Variants in THSD4 observed in about 807,000 individuals in gnomAD.
THSD4 encodes the protein thrombospondin type 1 domain containing 4, also known as thrombospondin type-1 domain-containing protein 4.
THSD4 carries 69 observed loss-of-function variants against 119.0 expected under a neutral mutation model. The ratio of observed to expected loss-of-function variants is 0.58; its 90% CI spans 0.48 to 0.71. The LOEUF (loss-of-function observed/expected upper bound fraction) is 0.71, where lower values mean the gene tolerates loss of function less well. Among genes scored for constraint, THSD4 ranks in the 30% least tolerant of loss-of-function variants. The pLI, the probability that THSD4 is intolerant of heterozygous loss-of-function variation, is 0.00. For missense variants in THSD4, 1,393 were observed against 1,391.1 expected (o/e 1.00, Z -0.02); for synonymous variants, 524 against 540.4 (o/e 0.97, Z 0.42).
intron 7 of THSD4, among the ~76,000 whole-genome samples, chr15:71,597,645 C>T (rs1472661092): frequency 6.6e-6 from 1 of 152,176 alleles, no homozygotes; most frequent in East Asian, 1.9e-4. Flanking sequence ...CTGGTCAAAC[C>T]ACCTAGTTCT....
At chr15:71,246,139 A>C (rs2044198245) in intron 5 of THSD4, among the ~76,000 whole-genome samples, 1 of 152,214 alleles carries the variant, frequency 6.6e-6, no homozygotes, top group African/African-American at 2.4e-5. Flanking sequence ...TAACACCCTG[A>C]GGACCATCTG....
At chr15:71,356,705 C>T (rs552246309) in intron 6 of THSD4, among the ~76,000 whole-genome samples, 1 of 152,204 alleles carries the variant, frequency 6.6e-6, no homozygotes, top group East Asian at 1.9e-4. Flanking sequence ...CCTCAGGGCT[C>T]ATGCAGGGTG....
Position 71,623,034 on chromosome 15 carries a change from A to T in THSD4, c.1153-37496A>T, listed in dbSNP as rs77514316. Among the ~76,000 whole-genome samples the T allele has an allele frequency of 2.8e-3, 432 of 152,226 alleles. 2 individuals carry two copies. Among genetic ancestry groups the T allele is most frequent in the Non-Finnish European group, 4.5e-3 (308 of 67,998 alleles). ...TGGATGGCTCCAGCAGTGCCAGTTG[A>T]TGGAGGTCTCGGTAATCAGGAGTCC... On this transcript the variant is annotated intron_variant, in intron 7 of 17. Coordinates refer to ENST00000261862, the MANE Select transcript of THSD4 (RefSeq NM_024817.3).
chr15:71,316,194 C>T (rs2045184493), intron 6 of THSD4, among the ~76,000 whole-genome samples: 2 of 152,244 alleles, frequency 1.3e-5, no homozygotes, highest in South Asian at 4.2e-4. Context: ...TGTCTGTTGC[C>T]ATTCCTGTCC....
At chr15:71,320,532 G>A (rs1175028288) in intron 6 of THSD4, among the ~76,000 whole-genome samples, 4 of 152,024 alleles carry the variant, frequency 2.6e-5, no homozygotes, top group Admixed American at 2.0e-4. Flanking sequence ...TCACATTTTT[G>A]GCCTTTTCAT....
At chr15:71,441,652 C>G (rs952239439) in intron 7 of THSD4, among the ~76,000 whole-genome samples, 2 of 151,988 alleles carry the variant, frequency 1.3e-5, no homozygotes, top group South Asian at 4.2e-4. Context: ...CTTGGCCTCA[C>G]AAAGTGCTGG....
At position 71,767,032 on chromosome 15, in the gene THSD4, A is replaced by C. The variant is rs2053727550; in HGVS notation, c.2769+1833A>C. 3 of 152,202 alleles carry C rather than the reference A, an allele frequency of 2.0e-5. No individual in the cohort carries two copies. The East Asian group carries it at 5.8e-4, about 29-fold the overall frequency. 9.4% of individuals were successfully genotyped at this position (152,202 alleles called of 1,614,324 possible). On this transcript the variant is annotated intron_variant, in intron 16 of 17. Transcript: ENST00000261862. The stretch of plus-strand genomic sequence containing the variant: ...GGCAGCATGGGAATTTTTTGTCTGC[A>C]ATGAAAATATTTCGTGTCTTGTTTG...
At chr15:71,469,261 C>G (rs986252568) in intron 7 of THSD4, among the ~76,000 whole-genome samples, 1 of 152,244 alleles carries the variant, frequency 6.6e-6, no homozygotes, top group East Asian at 1.9e-4. Context: ...GTTGCACTGC[C>G]CAGGCCCTAT....
chr15:71,144,504 G>A (rs895828091), intron 2 of THSD4, among the ~76,000 whole-genome samples: 1 of 152,130 alleles, frequency 6.6e-6, no homozygotes, highest in Non-Finnish European at 1.5e-5. Context: ...AGAAGCTGGA[G>A]AATTTCTCTA....
In THSD4 at chr15:71,719,225, C is replaced by T. The variant is rs984774059; in HGVS notation, c.1358-9324C>T. On this transcript the variant is annotated intron_variant, in intron 8 of 17. Transcript: ENST00000261862. ...TTCCCTTCGTTCAAACCCCTTACAA[C>T]CTGTGATTAGAGTGCCAAAGAGAAA... Among the ~76,000 whole-genome samples the T allele has an allele frequency of 9.2e-5, 14 of 152,170 alleles. 1 individual carries two copies. The highest frequency in any genetic ancestry group is 7.2e-4 in the Admixed American group (11 of 15,284).
chr15:71,284,568 A>C (rs2044694046), intron 6 of THSD4, among the ~76,000 whole-genome samples: 1 of 152,220 alleles, frequency 6.6e-6, no homozygotes, highest in Non-Finnish European at 1.5e-5. Flanking sequence ...AGTAACGACA[A>C]CTGTTGCTCT....
intron 6 of THSD4, among the ~76,000 whole-genome samples, chr15:71,274,327 G>A (rs1181056904): frequency 3.3e-5 from 5 of 152,154 alleles, no homozygotes; most frequent in Admixed American, 6.5e-5. Context: ...AATGTAACAC[G>A]CAAGTATCAT....
At chr15:71,545,909 G>A (rs897878048) in intron 7 of THSD4, among the ~76,000 whole-genome samples, 1 of 152,114 alleles carries the variant, frequency 6.6e-6, no homozygotes, top group Admixed American at 6.6e-5. Flanking sequence ...ACTGCAGTTA[G>A]GTTTAAAGTT....
chr15:71,207,500 C>G (rs2043854003), intron 3 of THSD4, among the ~76,000 whole-genome samples: 1 of 152,194 alleles, frequency 6.6e-6, no homozygotes, highest in Non-Finnish European at 1.5e-5. Context: ...TCTTGATTAC[C>G]ACATTTTATG....
intron 7 of THSD4, among the ~76,000 whole-genome samples, chr15:71,654,982 C>T (rs2051161093): frequency 6.6e-6 from 1 of 152,154 alleles, no homozygotes; most frequent in Non-Finnish European, 1.5e-5. Flanking sequence ...AATATGTCAT[C>T]CAGATTGCTC....
At chr15:71,182,899 A>G (rs547834060) in intron 3 of THSD4, among the ~76,000 whole-genome samples, 1 of 151,806 alleles carries the variant, frequency 6.6e-6, no homozygotes, top group South Asian at 2.1e-4. Context: ...TTTGTTCCTA[A>G]TTGTATTCTC....
chr15:71,506,345 A>G (rs1043108616), intron 7 of THSD4, among the ~76,000 whole-genome samples: 11 of 152,160 alleles, frequency 7.2e-5, no homozygotes, highest in African/African-American at 2.7e-4. Flanking sequence ...CTCTCCCTCC[A>G]AACTGCCCAG....
intron 8 of THSD4, among the ~76,000 whole-genome samples, chr15:71,724,287 A>ATATATATAT: frequency 7.8e-4 from 29 of 37,282 alleles, no homozygotes; most frequent in East Asian, 1.8e-3. Flanking sequence ...ATATATATAT[A>ATATATATAT]TTTTTTTTTT....
intron 6 of THSD4, among the ~76,000 whole-genome samples, chr15:71,289,044 C>T (rs771312662): frequency 2.6e-5 from 4 of 152,174 alleles, no homozygotes; most frequent in African/African-American, 7.2e-5. Context: ...GTTTTAATTA[C>T]GAGCTAGACA....
Sources: allele counts gnomAD v4.1 joint callset (sites outside exome capture counted in the v4.1 genomes callset), GRCh38; gene constraint gnomAD v4.1.1; transcripts MANE v1.5; gene names NCBI Gene and HGNC (gene_info 2026-07-23, HGNC 2026-07-21).